Variants in CCDC40 observed in about 807,000 individuals in gnomAD.
CCDC40 encodes the protein coiled-coil domain 40 molecular ruler complex subunit.
Under a neutral mutation model 124.5 loss-of-function variants are expected in CCDC40, and 104 were observed. The ratio of observed to expected loss-of-function variants is 0.84; its 90% CI spans 0.71 to 0.98. The LOEUF is 0.98. Ranked by LOEUF, CCDC40 falls within the 50% of genes least tolerant of loss-of-function variation. The pLI, the probability that CCDC40 is intolerant of heterozygous loss-of-function variation, is 0.00. For synonymous variants in CCDC40, 580 were observed against 602.9 expected, an observed-to-expected ratio of 0.96 and a Z score of 0.56; for missense variants, 1,463 against 1,503.9, an observed-to-expected ratio of 0.97 and a Z score of 0.45.
rs1243700649 is a variant in CCDC40 at position 80,081,780 on chromosome 17, G to A, written c.1797G>A (p.Gln599=). 1.2e-6 allele frequency: 2 copies of A among 1,614,024 alleles called. No individual in the cohort carries two copies. Among genetic ancestry groups the A allele is most frequent in the South Asian group, 2.2e-5 (2 of 91,076 alleles). Residue 599 remains glutamine (Q), a synonymous_variant, in exon 11 of 20, where the codon CAG becomes CAA. Transcript: ENST00000397545. ...AGGACACAGAGGATGCCCTCAGCCA[G>A]GACCAGCTGGTGAGGCCGGGCCCGC... ...TLQDTEDALS[Q]DQLEQMILTE...
intron 18 of CCDC40, 86 bp from the exon 19 acceptor site, chr17:80,097,159 C>G: frequency 7.0e-7 from 1 of 1,418,964 alleles, no homozygotes; most frequent in Non-Finnish European, 9.9e-7. Flanking sequence ...GTGGAAGGTG[C>G]CTGGCAGGTC....
intron 9 of CCDC40, among the ~76,000 whole-genome samples, chr17:80,064,347 G>A (rs2037980070): frequency 6.6e-6 from 1 of 152,154 alleles, no homozygotes; most frequent in Admixed American, 6.5e-5. Flanking sequence ...GGACGCCCCA[G>A]TTGGCTGACT....
At position 80,066,296 on chromosome 17, in the gene CCDC40, G is replaced by A. The variant is rs2038045364; in HGVS notation, c.1562+690G>A. The A allele has an allele frequency of 1.6e-6, 1 of 623,052 alleles. No homozygotes were observed. Among genetic ancestry groups the A allele is most frequent in the Non-Finnish European group, 2.9e-6 (1 of 341,792 alleles). The allele number at this position is 623,052 out of a possible 1,614,324, so 38.6% of individuals were successfully genotyped here. A position where few individuals can be genotyped will look rare whatever the true frequency, so the allele number is the denominator to read the frequency against. Reference sequence around the variant, plus strand: ...CAAGAAAGGCTGGACCAAGGAATGAGGGTCTGGCTGGCCCCACAGCACCCG... The same window carrying A: ...CAAGAAAGGCTGGACCAAGGAATGAAGGTCTGGCTGGCCCCACAGCACCCG... On this transcript the variant is annotated intron_variant, in intron 10 of 19. Transcript: ENST00000397545. This position sits in a 1 kb window ranked among gnomAD's most constrained non-coding sequence, Gnocchi z 4.4.
intron 9 of CCDC40, among the ~76,000 whole-genome samples, chr17:80,061,535 C>G (rs973926771): frequency 6.6e-6 from 1 of 152,202 alleles, no homozygotes; most frequent in Non-Finnish European, 1.5e-5. Context: ...TGCTTCCACA[C>G]CCTGGAGGCA....
At chr17:80,053,671 C>T (rs901660546) in intron 7 of CCDC40, among the ~76,000 whole-genome samples, 8 of 152,188 alleles carry the variant, frequency 5.3e-5, no homozygotes, top group African/African-American at 1.9e-4. Flanking sequence ...CAGCTCACTG[C>T]AACCTCCACC....
Position 80,087,552 on chromosome 17 carries a change from G to A in CCDC40, c.2450-55G>A. On this transcript the variant is annotated intron_variant, in intron 14 of 19. Transcript: ENST00000397545. The surrounding 1 kb of genome is among the most constrained non-coding windows in gnomAD (Gnocchi z 4.5). Reference sequence around the variant, plus strand: ...ACCTCTCGGACACTGCTGCCTGCGGGCGAGGACCCGTACCCTCCTGGGGTC... The same window carrying A: ...ACCTCTCGGACACTGCTGCCTGCGGACGAGGACCCGTACCCTCCTGGGGTC... 6.7e-7 allele frequency: 1 copy of A among 1,485,246 alleles called. No homozygotes were observed. Among genetic ancestry groups the A allele is most frequent in the Non-Finnish European group, 9.4e-7 (1 of 1,066,080 alleles). The allele number at this position is 1,485,246 out of a possible 1,614,324, so 92.0% of individuals were successfully genotyped here. A position where few individuals can be genotyped will look rare whatever the true frequency, so the allele number is the denominator to read the frequency against.
In CCDC40 at chr17:80,086,762, G is replaced by C. The variant is rs912772644; in HGVS notation, c.2449+546G>C. The C allele has an allele frequency of 5.7e-6, 1 of 176,062 alleles. No individual in the cohort carries two copies. Among genetic ancestry groups the C allele is most frequent in the Non-Finnish European group, 1.2e-5 (1 of 82,662 alleles). The allele number at this position is 176,062 out of a possible 1,614,324, so 10.9% of individuals were successfully genotyped here. A position where few individuals can be genotyped will look rare whatever the true frequency, so the allele number is the denominator to read the frequency against. On this transcript the variant is annotated intron_variant, in intron 14 of 19. Transcript: ENST00000397545. This position sits in a 1 kb window ranked among gnomAD's most constrained non-coding sequence, Gnocchi z 5.5. ...ACATCCCGGGTCCTGCCCGGTCTTG[G>C]GTCGGGGATCCATGCTGGTCAGGCC...
At chr17:80,075,629 G>A (rs2038294325) in intron 10 of CCDC40, among the ~76,000 whole-genome samples, 1 of 151,886 alleles carries the variant, frequency 6.6e-6, no homozygotes, top group South Asian at 2.1e-4. Context: ...CGCTGCTGAA[G>A]CCAGACGTCC....
At position 80,058,552 on chromosome 17, in the gene CCDC40, C is replaced by G; in HGVS notation, c.1218C>G (p.Asn406Lys). The G allele has an allele frequency of 6.2e-7, 1 of 1,614,166 alleles. No homozygotes were observed. Among genetic ancestry groups the G allele is most frequent in the Non-Finnish European group, 8.5e-7 (1 of 1,179,996 alleles). Residue 406 changes from asparagine to lysine, a missense_variant, in exon 8 of 20, where the codon AAC becomes AAG. Asn to Lys is a moderately conservative substitution (Grantham distance 94). Coordinates refer to ENST00000397545, the MANE Select transcript of CCDC40 (RefSeq NM_017950.4). This position sits in a 1 kb window ranked among gnomAD's most constrained non-coding sequence, Gnocchi z 4.2. ...CCCTGCATCTCTTCTACATGCAGAA[C>G]ATCGACCAGGACATGCGTGACGACA... ...NLALHLFYMQ[N>K]IDQDMRDDIR...
Position 80,095,244 on chromosome 17 carries a change from C to A in CCDC40, c.2833-19C>A, listed in dbSNP as rs1555595184. The stretch of plus-strand genomic sequence containing the variant: ...GCTCAGGCCTGCCCCAGCCCCAGCC[C>A]CTCTGTCCTGTCTCCCAGGTCAGGC... On this transcript the variant is annotated intron_variant, in intron 17 of 19. Coordinates refer to ENST00000397545, the MANE Select transcript of CCDC40 (RefSeq NM_017950.4). The A allele has an allele frequency of 1.2e-6, 2 of 1,612,844 alleles. No homozygotes were observed. The highest frequency in any genetic ancestry group is 2.7e-5 in the African/African-American group (2 of 74,938).
intron 17 of CCDC40, among the ~76,000 whole-genome samples, chr17:80,092,387 A>G (rs545861383): frequency 6.6e-6 from 1 of 152,208 alleles, no homozygotes; most frequent in East Asian, 1.9e-4. Flanking sequence ...CTGCCACATC[A>G]TGATATATTT....
chr17:80,068,090 G>C, intron 10 of CCDC40: 1 of 629,680 alleles, frequency 1.6e-6, no homozygotes, highest in Non-Finnish European at 2.0e-6. Flanking sequence ...CTGGAGTGCA[G>C]TGGCACCATC....
At chr17:80,098,016 C>T (rs772801001) in intron 19 of CCDC40, 8 of 162,540 alleles carry the variant, frequency 4.9e-5, no homozygotes, top group African/African-American at 1.2e-4. Flanking sequence ...GAGAAAGAAG[C>T]GTCAGGGTCA....
intron 7 of CCDC40, among the ~76,000 whole-genome samples, chr17:80,055,999 TATATATATATATA>T (rs2037729980): frequency 6.7e-5 from 1 of 15,034 alleles, no homozygotes; most frequent in African/African-American, 1.4e-4. Context: ...TATATATATA[TATATATATATATA>T]TATATTTTTT....
intron 9 of CCDC40, among the ~76,000 whole-genome samples, chr17:80,064,998 A>G (rs2037999438): frequency 6.7e-6 from 1 of 148,880 alleles, no homozygotes; most frequent in Non-Finnish European, 1.5e-5. Context: ...GCTGGCCAGG[A>G]TCCCCTCCTC....
At chr17:80,040,593 T>C (rs1480870303) in intron 3 of CCDC40, 2 of 356,850 alleles carry the variant, frequency 5.6e-6, no homozygotes, top group Non-Finnish European at 1.0e-5. Flanking sequence ...GTGGGAGAAT[T>C]GCTTGAACCC....
Position 80,040,256 on chromosome 17 carries a change from G to GC in CCDC40, c.539dup (p.Val181SerfsTer88). ...AATGGGCCAGGTCACCTCTGGGCCA[G>GC]CAGTGGGCAGATTGGTGAGTAGCCC... On this transcript the variant is annotated frameshift_variant, in exon 3 of 20. Transcript: ENST00000397545. LOFTEE classifies it high-confidence loss of function. The GC allele has an allele frequency of 6.2e-7, 1 of 1,613,398 alleles. No individual in the cohort carries two copies. Among genetic ancestry groups the GC allele is most frequent in the Non-Finnish European group, 8.5e-7 (1 of 1,179,892 alleles).
intron 10 of CCDC40, chr17:80,067,939 A>G: frequency 8.2e-7 from 1 of 1,213,602 alleles, no homozygotes; most frequent in South Asian, 2.6e-5. Context: ...ATGTACACGC[A>G]CAAACACTTC....
chr17:80,085,155 G>A (rs973356082), intron 13 of CCDC40, among the ~76,000 whole-genome samples, 167 bp downstream of exon 13: 3 of 152,240 alleles, frequency 2.0e-5, no homozygotes, highest in African/African-American at 7.2e-5. Context: ...AGCGCTCTAA[G>A]TCACATTTTT....
Sources: gnomAD v4.1 joint callset for allele counts (sites outside exome capture counted in the v4.1 genomes callset) on GRCh38, gnomAD v4.1.1 for gene constraint, Gnocchi (gnomAD v3.1) non-coding constraint, MANE v1.5 for transcripts, NCBI Gene and HGNC (gene_info 2026-07-23, HGNC 2026-07-21) for gene names.